Variants in LRRC55 observed in about 807,000 individuals in gnomAD.
LRRC55 encodes the protein leucine rich repeat containing 55, also known as leucine-rich repeat-containing protein 55.
In LRRC55, 11 loss-of-function variants were observed where a neutral mutation model predicts 20.5. The observed-to-expected ratio is 0.54, with a 90% confidence interval of 0.34 to 0.89. The LOEUF (loss-of-function observed/expected upper bound fraction) is 0.89, where lower values mean the gene tolerates loss of function less well. LRRC55 is among the 40% of genes least tolerant of loss of function. LRRC55 has a pLI of 0.02. For synonymous variants in LRRC55, 188 were observed against 166.6 expected (o/e 1.13, Z -0.99); for missense variants, 358 against 390.9 (o/e 0.92, Z 0.71).
At chr11:57,183,578 G>A (rs1229596876) in intron 1 of LRRC55, among the ~76,000 whole-genome samples, 2 of 152,174 alleles carry the variant, frequency 1.3e-5, no homozygotes, top group African/African-American at 4.8e-5. Context: ...TGGCCTGCCG[G>A]AAGAGTCAGA....
rs375170973 is a variant in LRRC55 at position 57,182,155 on chromosome 11, C to T, written c.133C>T (p.Arg45Cys). The stretch of plus-strand genomic sequence containing the variant: ...CAGCTGCCCCGTCCTTTGCACATGC[C>T]GTAACCAGGTGGTGGATTGTAGCAG... Reference protein sequence around the residue: ...GTSCPVLCTCRNQVVDCSSQR... With the variant: ...GTSCPVLCTCCNQVVDCSSQR... Residue 45 changes from arginine (R) to cysteine (C), a missense_variant, in exon 1 of 2, where the codon CGT (arginine) becomes TGT (cysteine). This residue lies in a region of LRRC55 where 175 missense variants were observed against 164.5 expected (regional missense o/e 1.06). Coordinates refer to ENST00000497933, the MANE Select transcript of LRRC55 (RefSeq NM_001005210.4). 44 of 1,614,032 alleles carry T rather than the reference C, an allele frequency of 2.7e-5. No individual in the cohort carries two copies. The highest frequency in any genetic ancestry group is 2.2e-4 in the Admixed American group (13 of 60,002).
At chr11:57,186,332 T>G (rs901345358) in intron 1 of LRRC55, among the ~76,000 whole-genome samples, 1 of 152,176 alleles carries the variant, frequency 6.6e-6, no homozygotes, top group African/African-American at 2.4e-5. Flanking sequence ...GCACTTACTA[T>G]GGACAAGACA....
intron 1 of LRRC55, among the ~76,000 whole-genome samples, chr11:57,185,445 T>C (rs943717000): frequency 1.3e-5 from 2 of 151,862 alleles, no homozygotes; most frequent in Non-Finnish European, 2.9e-5. Flanking sequence ...CACACCCAGC[T>C]AATTTTTGTA....
chr11:57,181,978 G>T lies in LRRC55; in HGVS notation c.-45G>T, dbSNP rs750817929. 1 of 1,614,110 alleles carries T rather than the reference G, an allele frequency of 6.2e-7. No homozygotes were observed. The highest frequency in any genetic ancestry group is 1.1e-5 in the South Asian group (1 of 91,080). On this transcript the variant is annotated 5_prime_UTR_variant, in exon 1 of 2. Transcript: ENST00000497933. Reference sequence around the variant, plus strand: ...ACAGACTCTCGATTCCATGGACACAGTCCTCATGGGCTCCCTCCAGCACTG... The same window carrying T: ...ACAGACTCTCGATTCCATGGACACATTCCTCATGGGCTCCCTCCAGCACTG...
At position 57,189,370 on chromosome 11, in the gene LRRC55, TA is replaced by T. The variant is rs1854478050; in HGVS notation, c.*1893del. ...TCCATGAATGTGCTAGTGGATAAGCTAAATAGAAGGCAGCCAAACCCATCTG... is the reference window on the plus strand; with the variant it reads ...TCCATGAATGTGCTAGTGGATAAGCTAATAGAAGGCAGCCAAACCCATCTG... On this transcript the variant is annotated 3_prime_UTR_variant, in exon 2 of 2. Transcript: ENST00000497933. 6.6e-6 allele frequency: 1 copy of T among 152,172 alleles called. No homozygotes were observed. The highest frequency in any genetic ancestry group is 2.4e-5 in the African/African-American group (1 of 41,426). The allele number at this position is 152,172 out of a possible 1,614,324, so 9.4% of individuals were successfully genotyped here. A position where few individuals can be genotyped will look rare whatever the true frequency, so the allele number is the denominator to read the frequency against.
At chr11:57,184,952 C>T (rs979147908) in intron 1 of LRRC55, among the ~76,000 whole-genome samples, 9 of 152,166 alleles carry the variant, frequency 5.9e-5, no homozygotes, top group East Asian at 1.9e-4. Flanking sequence ...GGAGAGCTCA[C>T]GCGAGTCAAG....
At position 57,182,224 on chromosome 11, in the gene LRRC55, C is replaced by G. The variant is rs750606732; in HGVS notation, c.202C>G (p.Arg68Gly). 6.2e-7 allele frequency: 1 copy of G among 1,614,202 alleles called. No homozygotes were observed. Among genetic ancestry groups the G allele is most frequent in the Non-Finnish European group, 8.5e-7 (1 of 1,180,022 alleles). The change falls in exon 1 of 2, where the codon CGA becomes GGA. Residue 68 changes from arginine to glycine, a missense_variant. Arg to Gly is a moderately radical substitution (Grantham distance 125, BLOSUM62 -2). Coordinates refer to ENST00000497933, the MANE Select transcript of LRRC55 (RefSeq NM_001005210.4). ...GCCCCCAGACCTGCCAATGGACACC[C>G]GAAACCTCAGCCTGGCCCACAACCG... ...SVPPDLPMDT[R>G]NLSLAHNRIT...
chr11:57,182,456 G>A lies in LRRC55; in HGVS notation c.434G>A (p.Ser145Asn), dbSNP rs1215355019. Residue 145 changes from serine (S) to asparagine (N), a missense_variant, in exon 1 of 2, where the codon AGC (serine) becomes AAC (asparagine). Physicochemically the swap from Ser to Asn is conservative, Grantham distance 46. Around this residue, in one of 3 missense-constraint regions of LRRC55, gnomAD observed 178 missense variants for 207.9 expected, o/e 0.86. Transcript: ENST00000497933. ...EAHGLVHIDL[S>N]HNPWLRRVHP... is the part of the protein sequence containing the mutation. ...CATGGGCTAGTCCACATCGACCTGA[G>A]CCACAACCCCTGGCTGCGGAGGGTG... The A allele has an allele frequency of 6.2e-7, 1 of 1,611,508 alleles. No homozygotes were observed. Among genetic ancestry groups the A allele is most frequent in the Non-Finnish European group, 8.5e-7 (1 of 1,179,654 alleles).
chr11:57,187,800 C>T lies in LRRC55; in HGVS notation c.*320C>T. On this transcript the variant is annotated 3_prime_UTR_variant, in exon 2 of 2. Transcript: ENST00000497933. ...CATTATGGAGGCCCAGAGGAGGAGC[C>T]ATCATCTGTATCTAGCAATGTCCAT... The T allele has an allele frequency of 6.9e-6, 3 of 434,268 alleles. No homozygotes were observed. The highest frequency in any genetic ancestry group is 2.7e-5 in the South Asian group (1 of 36,824). The allele number at this position is 434,268 out of a possible 1,614,324, so 26.9% of individuals were successfully genotyped here.
In LRRC55 at chr11:57,182,143, C is replaced by T; in HGVS notation, c.121C>T (p.Leu41Phe). The T allele has an allele frequency of 6.2e-7, 1 of 1,614,214 alleles. No individual in the cohort carries two copies. The highest frequency in any genetic ancestry group is 1.3e-5 in the African/African-American group (1 of 75,054). Residue 41 changes from leucine (L) to phenylalanine (F), a missense_variant, in exon 1 of 2, where the codon CTT becomes TTT. By Grantham distance (22) the Leu-to-Phe change is conservative. Transcript: ENST00000497933. ...GGATGCCGGCACCAGCTGCCCCGTCCTTTGCACATGCCGTAACCAGGTGGT... is the reference window on the plus strand; with the variant it reads ...GGATGCCGGCACCAGCTGCCCCGTCTTTTGCACATGCCGTAACCAGGTGGT... ...HSDAGTSCPV[L>F]CTCRNQVVDC...
Position 57,182,611 on chromosome 11 carries a change from C to A in LRRC55, c.589C>A (p.Pro197Thr). The A allele has an allele frequency of 6.5e-7, 1 of 1,526,848 alleles. No individual in the cohort carries two copies. Among genetic ancestry groups the A allele is most frequent in the Non-Finnish European group, 8.8e-7 (1 of 1,138,508 alleles). The allele number at this position is 1,526,848 out of a possible 1,614,324, so 94.6% of individuals were successfully genotyped here. The change falls in exon 1 of 2, where the codon CCC becomes ACC. Residue 197 changes from proline to threonine, a missense_variant. Pro to Thr is a conservative substitution (Grantham distance 38). Transcript: ENST00000497933. ...GLVTLQIGGN[P>T]WVCGCTMEPL... The stretch of plus-strand genomic sequence containing the variant: ...GGTGACCCTGCAGATCGGTGGCAAT[C>A]CCTGGGTGTGTGGCTGCACCATGGA...
At chr11:57,183,791 T>C (rs551862739) in intron 1 of LRRC55, among the ~76,000 whole-genome samples, 2 of 152,214 alleles carry the variant, frequency 1.3e-5, no homozygotes, top group African/African-American at 2.4e-5. Context: ...GAGGGTGGAC[T>C]GGGGCCTGAA....
At chr11:57,182,824 G>T (rs1305243553) in intron 1 of LRRC55, 141 bp downstream of exon 1, 4 of 840,178 alleles carry the variant, frequency 4.8e-6, no homozygotes, top group African/African-American at 1.7e-5. Context: ...TTGTACACCA[G>T]CTCGGCCAAC....
At chr11:57,185,270 CTTTTTTT>C (rs58800728) in intron 1 of LRRC55, among the ~76,000 whole-genome samples, 2 of 89,412 alleles carry the variant, frequency 2.2e-5, no homozygotes, top group African/African-American at 1.0e-4. Flanking sequence ...CTTTTCTTTT[CTTTTTTT>C]TTTTTTTTTT....
At chr11:57,185,267 T>C (rs921571859) in intron 1 of LRRC55, among the ~76,000 whole-genome samples, 6 of 107,126 alleles carry the variant, frequency 5.6e-5, no homozygotes, top group African/African-American at 1.9e-4. Context: ...TTTCTTTTCT[T>C]TTCTTTTTTT....
intron 1 of LRRC55, among the ~76,000 whole-genome samples, chr11:57,184,257 T>C (rs1232320248): frequency 4.6e-5 from 7 of 151,598 alleles, no homozygotes; most frequent in East Asian, 1.9e-4. Context: ...TCCTGTGCAC[T>C]AATAACAGAA....
Position 57,182,700 on chromosome 11 carries a change from A to G in LRRC55, c.661+17A>G, listed in dbSNP as rs201307627. The G allele has an allele frequency of 1.8e-4, 266 of 1,465,196 alleles. No homozygotes were observed. In the African/African-American group the frequency reaches 3.5e-3, roughly 19 times the overall value. 90.8% of individuals were successfully genotyped at this position (1,465,196 alleles called of 1,614,324 possible). The stretch of plus-strand genomic sequence containing the variant: ...GTACAGCAGGTAATAGAGGGGCAGA[A>G]CGGGGCAGTCAACAGGGAGGGCTTG... On this transcript the variant is annotated intron_variant, in intron 1 of 1. Transcript: ENST00000497933.
rs375461403 is a variant in LRRC55, at chr11:57,182,253, C to T, written c.231C>T (p.Ile77=). 438 of 1,614,232 alleles carry T rather than the reference C, an allele frequency of 2.7e-4. 2 individuals carry two copies. The highest frequency in any genetic ancestry group is 3.6e-4 in the Non-Finnish European group (420 of 1,180,034). ...TRNLSLAHNR[I]TAVPPGYLTC... is the part of the protein sequence containing the mutation. ...ACCTCAGCCTGGCCCACAACCGCAT[C>T]ACAGCAGTGCCGCCTGGCTACCTCA... The change falls in exon 1 of 2, where the codon ATC becomes ATT. Residue 77 remains isoleucine, a synonymous_variant. Transcript: ENST00000497933.
At position 57,187,716 on chromosome 11, in the gene LRRC55, A is replaced by C. The variant is rs1188969552; in HGVS notation, c.*236A>C. ...GCCCTCAAGGCACTTCCCTCTGGTC[A>C]AGGAGAGAGATCCAAAAACTATTCC... is the stretch of plus-strand genomic sequence containing the variant. On this transcript the variant is annotated 3_prime_UTR_variant, in exon 2 of 2. Coordinates refer to ENST00000497933, the MANE Select transcript of LRRC55 (RefSeq NM_001005210.4). 3 of 593,192 alleles carry C rather than the reference A, an allele frequency of 5.1e-6. No individual in the cohort carries two copies. The highest frequency in any genetic ancestry group is 8.9e-6 in the Non-Finnish European group (3 of 335,910). The allele number at this position is 593,192 out of a possible 1,614,324, so 36.7% of individuals were successfully genotyped here. A position where few individuals can be genotyped will look rare whatever the true frequency, so the allele number is the denominator to read the frequency against.
Sources: gnomAD v4.1 joint callset for allele counts (sites outside exome capture counted in the v4.1 genomes callset) on GRCh38, gnomAD v4.1.1 for gene constraint, gnomAD v4.1.1 regional missense constraint, MANE v1.5 for transcripts, NCBI Gene and HGNC (gene_info 2026-07-23, HGNC 2026-07-21) for gene names.